The following DOCK1 variants were observed in gnomAD, a reference collection of about 807,000 sequenced individuals.
The protein encoded by DOCK1 is dedicator of cytokinesis protein 1.
In DOCK1, 138 loss-of-function variants were observed where a neutral mutation model predicts 262.7. That is an observed-to-expected ratio of 0.53 (90% confidence interval 0.46 to 0.61). DOCK1 has a LOEUF of 0.61. Among genes scored for constraint, DOCK1 ranks in the 20% least tolerant of loss-of-function variants. The pLI is 0.00. For synonymous variants in DOCK1, 866 were observed against 867.4 expected (o/e 1.00, Z 0.03); for missense variants, 1,908 against 2,370.7 (o/e 0.80, Z 4.05).
At chr10:127,445,407 G>T (rs1266968468) in intron 50 of DOCK1, among the ~76,000 whole-genome samples, 1 of 152,198 alleles carries the variant, frequency 6.6e-6, no homozygotes, top group African/African-American at 2.4e-5. Flanking sequence ...GGGTGGGGAG[G>T]CTGGCTGCAG....
chr10:127,130,409 T>C (rs1485205560), intron 27 of DOCK1, among the ~76,000 whole-genome samples: 1 of 152,068 alleles, frequency 6.6e-6, no homozygotes, highest in African/African-American at 2.4e-5. Context: ...TTATGCTAGG[T>C]GTGTGTTCAC....
At chr10:126,960,767 C>A (rs1259232387) in intron 1 of DOCK1, among the ~76,000 whole-genome samples, 3 of 137,170 alleles carry the variant, frequency 2.2e-5, no homozygotes, top group Non-Finnish European at 4.7e-5. Context: ...CACACAGACA[C>A]ATATATACGT....
At position 127,176,066 on chromosome 10, in the gene DOCK1, G is replaced by T; in HGVS notation, c.2847+48302G>T. 1 of 1,614,130 alleles carries T rather than the reference G, an allele frequency of 6.2e-7. No homozygotes were observed. Among genetic ancestry groups the T allele is most frequent in the Non-Finnish European group, 8.5e-7 (1 of 1,180,042 alleles). ...GGAACGTCTGGTAACACTTCTTAAG[G>T]TCGGGCGAGGTCTGCACGCCTGTGC... On this transcript the variant is annotated intron_variant, in intron 27 of 51. Coordinates refer to ENST00000623213, the MANE Select transcript of DOCK1 (RefSeq NM_001290223.2). The surrounding 1 kb of genome is among the most constrained non-coding windows in gnomAD (Gnocchi z 4.4).
At chr10:127,324,448 T>C (rs1306035294) in intron 29 of DOCK1, among the ~76,000 whole-genome samples, 1 of 152,190 alleles carries the variant, frequency 6.6e-6, no homozygotes, top group Non-Finnish European at 1.5e-5. Flanking sequence ...TGGCTCTCAC[T>C]GGGGCTTCTG....
chr10:127,399,662 G>A (rs1206207592), intron 38 of DOCK1, among the ~76,000 whole-genome samples: 1 of 151,844 alleles, frequency 6.6e-6, no homozygotes, highest in Non-Finnish European at 1.5e-5. Flanking sequence ...AACAGATTAG[G>A]CTTTTACTCA....
At chr10:127,125,627 TC>T in intron 26 of DOCK1, 26 bp downstream of exon 26, 1 of 1,601,496 alleles carries the variant, frequency 6.2e-7, no homozygotes, top group Non-Finnish European at 8.5e-7. Flanking sequence ...GTGCGTGACG[TC>T]CTGCCATTTG....
intron 25 of DOCK1, among the ~76,000 whole-genome samples, chr10:127,124,975 G>A (rs912857335): frequency 6.6e-6 from 1 of 152,144 alleles, no homozygotes; most frequent in African/African-American, 2.4e-5. Context: ...AAATTAGCTG[G>A]GCGTGGTGGC....
chr10:127,040,836 A>G (rs958648655), intron 19 of DOCK1, among the ~76,000 whole-genome samples: 1 of 152,162 alleles, frequency 6.6e-6, no homozygotes, highest in East Asian at 1.9e-4. Flanking sequence ...TAGTGTCTTC[A>G]TGGAGTTGTA....
chr10:127,191,124 C>CTCCAGGACT (rs2056725769), intron 27 of DOCK1, among the ~76,000 whole-genome samples: 1 of 152,090 alleles, frequency 6.6e-6, no homozygotes, highest in African/African-American at 2.4e-5. Context: ...TTGGCTTAAG[C>CTCCAGGACT]TCCAGGACTA....
chr10:127,001,821 A>G (rs2040614487), intron 10 of DOCK1, among the ~76,000 whole-genome samples: 1 of 152,140 alleles, frequency 6.6e-6, no homozygotes, highest in Admixed American at 6.5e-5. Context: ...TTCTTTCTGA[A>G]GTCCCCACAG....
intron 27 of DOCK1, among the ~76,000 whole-genome samples, chr10:127,157,453 A>C (rs1348691401): frequency 6.6e-6 from 1 of 152,238 alleles, no homozygotes; most frequent in Non-Finnish European, 1.5e-5. Flanking sequence ...TTTTTCTTAT[A>C]GGTGGTTGAA....
intron 24 of DOCK1, among the ~76,000 whole-genome samples, chr10:127,108,542 C>T (rs920321305): frequency 5.9e-5 from 9 of 152,034 alleles, no homozygotes; most frequent in African/African-American, 9.7e-5. Context: ...GCCTGGATCG[C>T]GGCATTGTAC....
chr10:127,077,124 G>T (rs1237401709), intron 23 of DOCK1, among the ~76,000 whole-genome samples: 1 of 152,204 alleles, frequency 6.6e-6, no homozygotes, highest in Non-Finnish European at 1.5e-5. Context: ...GCCGAGCGCG[G>T]TGGCTTATGC....
intron 25 of DOCK1, among the ~76,000 whole-genome samples, chr10:127,113,251 A>C (rs572246851): frequency 6.6e-6 from 1 of 152,104 alleles, no homozygotes; most frequent in Non-Finnish European, 1.5e-5. Flanking sequence ...GTATAACTGG[A>C]TTTAGCTGCA....
chr10:127,013,217 CT>C (rs931125012), intron 12 of DOCK1, among the ~76,000 whole-genome samples: 5 of 152,186 alleles, frequency 3.3e-5, no homozygotes, highest in African/African-American at 1.2e-4. Context: ...AACTACCCCC[CT>C]TTCTGGCAAA....
intron 1 of DOCK1, among the ~76,000 whole-genome samples, chr10:126,920,041 T>A (rs1004301187): frequency 1.3e-5 from 2 of 152,092 alleles, no homozygotes; most frequent in African/African-American, 4.8e-5. Flanking sequence ...TCAGCAGCCC[T>A]AAAACTCCCT....
chr10:127,310,752 G>A (rs537598537), intron 29 of DOCK1, among the ~76,000 whole-genome samples: 4 of 152,258 alleles, frequency 2.6e-5, no homozygotes, highest in South Asian at 2.1e-4. Flanking sequence ...CCCAGTTGTC[G>A]TGAAATAGAA....
At chr10:126,912,420 A>T (rs2031912811) in intron 1 of DOCK1, among the ~76,000 whole-genome samples, 2 of 143,260 alleles carry the variant, frequency 1.4e-5, no homozygotes. Flanking sequence ...ACAAGAGCAA[A>T]ACTCCATCTC....
intron 19 of DOCK1, among the ~76,000 whole-genome samples, chr10:127,039,319 A>C (rs1017371719): frequency 6.6e-6 from 1 of 152,204 alleles, no homozygotes; most frequent in Non-Finnish European, 1.5e-5. Context: ...AGAAGAATCC[A>C]GTTAATGAAA....
Sources: gnomAD v4.1 joint callset for allele counts (sites outside exome capture counted in the v4.1 genomes callset) on GRCh38, gnomAD v4.1.1 for gene constraint, Gnocchi (gnomAD v3.1) non-coding constraint, MANE v1.5 for transcripts, NCBI Gene and HGNC (gene_info 2026-07-23, HGNC 2026-07-21) for gene names.